The following CNTN5 variants were observed in gnomAD, a reference collection of about 807,000 sequenced individuals.
CNTN5 encodes the protein contactin 5, also known as contactin-5.
Under a neutral mutation model 129.1 loss-of-function variants are expected in CNTN5, and 77 were observed. That is an observed-to-expected ratio of 0.60 (90% CI 0.50 to 0.72). The LOEUF is 0.72. Ranked by LOEUF, CNTN5 falls within the 30% of genes least tolerant of loss-of-function variation. The pLI is 0.00. For missense variants in CNTN5, 1,478 were observed against 1,328.8 expected (o/e 1.11, Z -1.75); for synonymous variants, 509 against 465.6 (o/e 1.09, Z -1.20).
intron 9 of CNTN5, among the ~76,000 whole-genome samples, chr11:100,047,760 G>T (rs947938928): frequency 7.2e-5 from 11 of 152,118 alleles, no homozygotes; most frequent in Non-Finnish European, 1.5e-5. Flanking sequence ...TGAATCAGTA[G>T]ATTGAGTAAG....
intron 3 of CNTN5, among the ~76,000 whole-genome samples, chr11:99,791,175 T>A (rs2135434995): frequency 6.6e-6 from 1 of 152,204 alleles, no homozygotes; most frequent in Non-Finnish European, 1.5e-5. Flanking sequence ...TTTTTGCTTT[T>A]GTTGCAATTG....
chr11:99,581,463 G>A (rs1255197402), intron 3 of CNTN5, among the ~76,000 whole-genome samples: 9 of 148,666 alleles, frequency 6.1e-5, no homozygotes, highest in Non-Finnish European at 1.0e-4. Flanking sequence ...TTGTGTGGGA[G>A]TCTAAGTCTC....
intron 4 of CNTN5, among the ~76,000 whole-genome samples, chr11:99,836,525 C>G (rs1947312847): frequency 6.6e-6 from 1 of 152,092 alleles, no homozygotes; most frequent in African/African-American, 2.4e-5. Context: ...GCCACATTTT[C>G]TTAATCCAGT....
At chr11:99,251,919 T>G (rs1219196032) in intron 1 of CNTN5, among the ~76,000 whole-genome samples, 1 of 152,048 alleles carries the variant, frequency 6.6e-6, no homozygotes, top group African/African-American at 2.4e-5. Flanking sequence ...TGGAATTATT[T>G]TAGAAAAGCA....
At chr11:100,160,896 AG>A (rs1238053879) in intron 13 of CNTN5, among the ~76,000 whole-genome samples, 2 of 151,886 alleles carry the variant, frequency 1.3e-5, no homozygotes, top group East Asian at 3.9e-4. Context: ...AGTAGTTAAG[AG>A]ACTTAAGTTG....
chr11:99,898,093 T>C (rs1949256302), intron 6 of CNTN5, among the ~76,000 whole-genome samples: 2 of 152,066 alleles, frequency 1.3e-5, no homozygotes, highest in Admixed American at 6.5e-5. Context: ...GAGGAAATTT[T>C]ATAGCATTAA....
chr11:100,302,832 G>A (rs373138365), intron 20 of CNTN5, among the ~76,000 whole-genome samples: 21 of 151,588 alleles, frequency 1.4e-4, no homozygotes, highest in South Asian at 1.2e-3. Flanking sequence ...CCAATAAAGC[G>A]TATCAGAATG....
chr11:100,047,785 A>G (rs746381999), intron 9 of CNTN5, among the ~76,000 whole-genome samples: 1 of 152,146 alleles, frequency 6.6e-6, no homozygotes, highest in Admixed American at 6.5e-5. Context: ...ATTTACCCTC[A>G]TCAGTGTGAG....
At position 99,690,497 on chromosome 11, in the gene CNTN5, A is replaced by G. The variant is rs2134780091; in HGVS notation, c.56-129047A>G. ...TTTAAGATAGTTTTCTCTTTTTCTA[A>G]TTCTGTGAAGAATGTCCATGGCAGT... On this transcript the variant is annotated intron_variant, in intron 3 of 24. Coordinates refer to ENST00000524871, the MANE Select transcript of CNTN5 (RefSeq NM_014361.4). Among the ~76,000 whole-genome samples, 3 of 152,196 alleles carry G rather than the reference A, an allele frequency of 2.0e-5. No homozygotes were observed. In the South Asian group the frequency reaches 6.2e-4, roughly 32 times the overall value.
intron 2 of CNTN5, among the ~76,000 whole-genome samples, chr11:99,501,313 T>C (rs1946419448): frequency 6.6e-6 from 1 of 152,148 alleles, no homozygotes; most frequent in Admixed American, 6.5e-5. Context: ...ATGAAATGAA[T>C]GAGATCCAGG....
intron 16 of CNTN5, among the ~76,000 whole-genome samples, chr11:100,232,300 T>C (rs1949507177): frequency 6.6e-6 from 1 of 152,122 alleles, no homozygotes; most frequent in Non-Finnish European, 1.5e-5. Context: ...AGCTACTGTG[T>C]GAAAACCCAA....
At chr11:99,091,201 G>A (rs140705973) in intron 1 of CNTN5, among the ~76,000 whole-genome samples, 6 of 151,986 alleles carry the variant, frequency 3.9e-5, no homozygotes, top group African/African-American at 7.3e-5. Flanking sequence ...TACCACTTGC[G>A]GTCCTGTTAC....
intron 15 of CNTN5, among the ~76,000 whole-genome samples, chr11:100,217,217 AGATCAAGTAT>A (rs376705533): frequency 3.0e-4 from 45 of 152,294 alleles, no homozygotes; most frequent in African/African-American, 9.6e-4. Flanking sequence ...TAGCATGTGT[AGATCAAGTAT>A]GATAAAAAGA....
intron 6 of CNTN5, among the ~76,000 whole-genome samples, chr11:99,902,446 G>A (rs772316966): frequency 2.6e-5 from 4 of 152,060 alleles, no homozygotes; most frequent in Non-Finnish European, 4.4e-5. Context: ...ATGCCCTTCA[G>A]TAATGTGAGT....
chr11:100,281,934 T>G (rs1336656122), intron 18 of CNTN5, among the ~76,000 whole-genome samples: 2 of 152,178 alleles, frequency 1.3e-5, no homozygotes, highest in Non-Finnish European at 2.9e-5. Context: ...GGATTCTCTT[T>G]ATTATTTCAA....
chr11:99,703,461 A>T (rs1048548567), intron 3 of CNTN5, among the ~76,000 whole-genome samples: 3 of 150,712 alleles, frequency 2.0e-5, no homozygotes, highest in African/African-American at 7.3e-5. Context: ...TAATAAAAAT[A>T]CTTGTCATTT....
chr11:99,508,531 T>G (rs1283579333), intron 2 of CNTN5, among the ~76,000 whole-genome samples: 1 of 152,170 alleles, frequency 6.6e-6, no homozygotes, highest in Non-Finnish European at 1.5e-5. Context: ...CACAGCTTTT[T>G]GTATCCACAG....
chr11:99,989,836 G>T (rs1203327792), intron 8 of CNTN5, among the ~76,000 whole-genome samples: 1 of 152,106 alleles, frequency 6.6e-6, no homozygotes, highest in East Asian at 1.9e-4. Flanking sequence ...CACGATCTGG[G>T]CTCACTGCAA....
intron 3 of CNTN5, among the ~76,000 whole-genome samples, chr11:99,730,487 C>T (rs545034324): frequency 2.5e-4 from 38 of 152,218 alleles, no homozygotes; most frequent in African/African-American, 7.7e-4. Flanking sequence ...TTAGGGCTGC[C>T]GGTTATCTAC....
Sources: allele counts gnomAD v4.1 joint callset (sites outside exome capture counted in the v4.1 genomes callset), GRCh38; gene constraint gnomAD v4.1.1; transcripts MANE v1.5; gene names NCBI Gene and HGNC (gene_info 2026-07-23, HGNC 2026-07-21).